Variants in ERMAP observed in about 807,000 individuals in gnomAD.
ERMAP encodes the protein erythroblast membrane associated protein (Scianna blood group), also known as erythroid membrane-associated protein.
ERMAP carries 34 observed loss-of-function variants against 49.5 expected under a neutral mutation model. The observed-to-expected ratio is 0.69, with a 90% CI of 0.52 to 0.91. ERMAP has a LOEUF of 0.91. ERMAP is among the 40% of genes least tolerant of loss of function. ERMAP has a pLI of 0.00. For synonymous variants in ERMAP, 214 were observed against 232.2 expected (o/e 0.92, Z 0.71); for missense variants, 541 against 582.6 (o/e 0.93, Z 0.74).
At chr1:42,837,137 T>C (rs1036780079) in intron 6 of ERMAP, 21 bp from the exon 7 acceptor site, 1 of 1,613,772 alleles carries the variant, frequency 6.2e-7, no homozygotes. Flanking sequence ...AATCTCATTA[T>C]CTTTTCCTTT....
intron 6 of ERMAP, among the ~76,000 whole-genome samples, chr1:42,836,011 G>A (rs569555200): frequency 1.1e-4 from 16 of 152,162 alleles, no homozygotes; most frequent in African/African-American, 3.1e-4. Flanking sequence ...TATGGGAGTC[G>A]AGTAGCTTGA....
chr1:42,839,020 G>T (rs1654983307), intron 8 of ERMAP, 99 bp downstream of exon 8: 1 of 1,597,038 alleles, frequency 6.3e-7, no homozygotes, highest in Admixed American at 1.7e-5. Flanking sequence ...GAAGGGAGGG[G>T]GTACTGGTAA....
intron 4 of ERMAP, among the ~76,000 whole-genome samples, chr1:42,833,211 TG>T (rs1251332800): frequency 6.6e-6 from 1 of 152,230 alleles, no homozygotes; most frequent in Non-Finnish European, 1.5e-5. Flanking sequence ...AGGAACTTTT[TG>T]AGGAATTTTC....
At chr1:42,840,096 C>T (rs181931370) in intron 9 of ERMAP, 43 bp downstream of exon 9, 114 of 1,614,172 alleles carry the variant, frequency 7.1e-5, no homozygotes, top group Middle Eastern at 4.9e-4. Flanking sequence ...CAACTTATCT[C>T]CTGTTGCCCT....
intron 7 of ERMAP, among the ~76,000 whole-genome samples, chr1:42,838,565 G>A (rs34391768): frequency 2.6e-5 from 4 of 152,142 alleles, no homozygotes; most frequent in Non-Finnish European, 4.4e-5. Flanking sequence ...TACCATAAAC[G>A]GTGGGCTATA....
chr1:42,829,892 GATTAGTGCCTTCAGGATGACAT>G (rs1158282052), intron 2 of ERMAP: 2 of 154,098 alleles, frequency 1.3e-5, no homozygotes, highest in Non-Finnish European at 2.9e-5. Flanking sequence ...GAATTTGTAG[GATTAGTGCCTTCAGGATGACAT>G]GGAGGGACCT....
At chr1:42,841,146 T>C (rs1372768044) in intron 11 of ERMAP, among the ~76,000 whole-genome samples, 1 of 152,156 alleles carries the variant, frequency 6.6e-6, no homozygotes, top group Non-Finnish European at 1.5e-5. Flanking sequence ...AAATTATGAG[T>C]TGGCCACTCG....
chr1:42,835,262 G>T, intron 5 of ERMAP, 108 bp downstream of exon 5: 1 of 710,602 alleles, frequency 1.4e-6, no homozygotes. Flanking sequence ...CCATAGGTTG[G>T]GGACACTGCA....
At chr1:42,838,751 T>G in intron 7 of ERMAP, 150 bp from the exon 8 acceptor site, 1 of 1,264,482 alleles carries the variant, frequency 7.9e-7, no homozygotes, top group South Asian at 1.5e-5. Flanking sequence ...GATTTCTGGG[T>G]CTGAACTCTG....
At chr1:42,822,975 T>C (rs1654442386) in intron 1 of ERMAP, among the ~76,000 whole-genome samples, 1 of 152,256 alleles carries the variant, frequency 6.6e-6, no homozygotes, top group Non-Finnish European at 1.5e-5. Flanking sequence ...TGGCTATAAA[T>C]ATTTTAGATG....
chr1:42,836,731 C>G (rs1245669034), intron 6 of ERMAP, among the ~76,000 whole-genome samples: 5 of 151,910 alleles, frequency 3.3e-5, no homozygotes, highest in Non-Finnish European at 7.4e-5. Flanking sequence ...TGGTGCGTGC[C>G]TGTAATCCCA....
intron 1 of ERMAP, 65 bp from the exon 2 acceptor site, chr1:42,825,558 G>A (rs1412225797): frequency 3.2e-6 from 4 of 1,230,922 alleles, no homozygotes; most frequent in Non-Finnish European, 3.1e-6. Flanking sequence ...GTTCTGTGGG[G>A]GCAGAGAGAG....
At chr1:42,820,161 G>A (rs2124275272) in intron 1 of ERMAP, among the ~76,000 whole-genome samples, 1 of 152,098 alleles carries the variant, frequency 6.6e-6, no homozygotes, top group South Asian at 2.1e-4. Flanking sequence ...TACTCTTGAG[G>A]AGACTGATTT....
chr1:42,837,831 T>A (rs1187298146), intron 7 of ERMAP: 1 of 152,434 alleles, frequency 6.6e-6, no homozygotes, highest in African/African-American at 2.4e-5. Flanking sequence ...GACAAGTCAC[T>A]GGCTCAGATG....
intron 6 of ERMAP, 62 bp downstream of exon 6, chr1:42,835,826 C>G (rs1570542056): frequency 1.3e-6 from 2 of 1,568,324 alleles, no homozygotes; most frequent in East Asian, 4.7e-5. Context: ...TCTGTGCCCC[C>G]CATACCCACT....
At chr1:42,831,231 T>G (rs1654721356) in intron 4 of ERMAP, 116 bp downstream of exon 4, 1 of 1,289,560 alleles carries the variant, frequency 7.8e-7, no homozygotes, top group African/African-American at 1.5e-5. Flanking sequence ...TAGTTTTTAC[T>G]TGCCAGGATG....
intron 1 of ERMAP, among the ~76,000 whole-genome samples, chr1:42,822,832 CT>C (rs571016529): frequency 7.9e-5 from 12 of 151,478 alleles, no homozygotes; most frequent in Non-Finnish European, 1.5e-4. Context: ...TTAACTTTTT[CT>C]TTTTTTTTAA....
chr1:42,835,191 G>A (rs183782832), intron 5 of ERMAP, 37 bp downstream of exon 5: 100 of 882,214 alleles, frequency 1.1e-4, no homozygotes, highest in African/African-American at 2.9e-4. Context: ...CTGGTGGGAA[G>A]TGGGACTATG....
intron 11 of ERMAP, among the ~76,000 whole-genome samples, chr1:42,841,516 A>G (rs2124362258): frequency 6.6e-6 from 1 of 152,286 alleles, no homozygotes. Context: ...ACATAGTGAG[A>G]CCCTTCCTCA....
Sources: gnomAD v4.1 joint callset for allele counts (sites outside exome capture counted in the v4.1 genomes callset) on GRCh38, gnomAD v4.1.1 for gene constraint, MANE v1.5 for transcripts, NCBI Gene and HGNC (gene_info 2026-07-23, HGNC 2026-07-21) for gene names.